Variants in EEIG2 observed in about 807,000 individuals in gnomAD.
EEIG2 encodes the protein EEIG family member 2.
chr1:108,624,454 T>C, the EEIG2 span, among the ~76,000 whole-genome samples: 1 of 150,044 alleles, frequency 6.7e-6, no homozygotes, highest in Admixed American at 6.7e-5. Context: ...AAAAAACCCT[T>C]TTCTTTTATG....
chr1:108,579,738 G>GGTGTGTGTGTGT, the EEIG2 span, among the ~76,000 whole-genome samples: 3 of 107,974 alleles, frequency 2.8e-5, no homozygotes, highest in African/African-American at 1.1e-4. Flanking sequence ...TTGTTTTTTT[G>GGTGTGTGTGTGT]GTGTGTGTGT....
the EEIG2 span, among the ~76,000 whole-genome samples, chr1:108,630,873 T>C: frequency 1.4e-4 from 22 of 152,352 alleles, no homozygotes; most frequent in East Asian, 5.8e-4. Flanking sequence ...AAGACAGTTA[T>C]TGTATTCTCT....
At chr1:108,571,810 A>G in the EEIG2 span, among the ~76,000 whole-genome samples, 1,458 of 152,000 alleles carry the variant, frequency 9.6e-3, 23 homozygotes, top group African/African-American at 0.033. Context: ...ACTGTCTCAC[A>G]CCCCTCTGCT....
chr1:108,615,825 G>T, the EEIG2 span, among the ~76,000 whole-genome samples: 1 of 148,712 alleles, frequency 6.7e-6, no homozygotes, highest in Non-Finnish European at 1.5e-5. Context: ...CTGATCTAAA[G>T]CTGGAACAAA....
chr1:108,633,639 A>G, the EEIG2 span, among the ~76,000 whole-genome samples: 2 of 152,118 alleles, frequency 1.3e-5, no homozygotes, highest in African/African-American at 4.8e-5. Flanking sequence ...TTTGTCTTTT[A>G]TATCTGGCTG....
At chr1:108,628,455 C>A in the EEIG2 span, 4 of 1,614,062 alleles carry the variant, frequency 2.5e-6, no homozygotes, top group Non-Finnish European at 3.4e-6. Flanking sequence ...AGGAGAAATA[C>A]CTCAGTGGGA....
the EEIG2 span, among the ~76,000 whole-genome samples, chr1:108,591,911 A>C: frequency 6.6e-6 from 1 of 152,340 alleles, no homozygotes; most frequent in African/African-American, 2.4e-5. Context: ...AGTAAATGGG[A>C]ATGACAAACA....
chr1:108,599,932 G>A, the EEIG2 span, among the ~76,000 whole-genome samples: 1 of 152,168 alleles, frequency 6.6e-6, no homozygotes, highest in African/African-American at 2.4e-5. Flanking sequence ...GGAGGCGGAG[G>A]TTGCAGTGAG....
At chr1:108,614,687 CAA>C in the EEIG2 span, among the ~76,000 whole-genome samples, 6 of 152,140 alleles carry the variant, frequency 3.9e-5, no homozygotes, top group Non-Finnish European at 2.9e-5. Context: ...TTTGCCTAAT[CAA>C]GAGCTTTACC....
the EEIG2 span, among the ~76,000 whole-genome samples, chr1:108,597,533 T>C: frequency 6.6e-6 from 1 of 152,220 alleles, no homozygotes; most frequent in African/African-American, 2.4e-5. Context: ...AAACAGTTTT[T>C]GATCAATCCT....
the EEIG2 span, among the ~76,000 whole-genome samples, chr1:108,576,046 CTGTT>C: frequency 8.5e-5 from 13 of 152,104 alleles, no homozygotes; most frequent in African/African-American, 3.1e-4. Context: ...ACAGGTGTCA[CTGTT>C]TGCCCAGGCT....
chr1:108,638,855 G>A, the EEIG2 span: 20 of 152,260 alleles, frequency 1.3e-4, no homozygotes, highest in South Asian at 4.1e-4. Flanking sequence ...TATATACACA[G>A]TATATTTTAA....
the EEIG2 span, among the ~76,000 whole-genome samples, chr1:108,630,242 T>A: frequency 6.6e-6 from 1 of 152,242 alleles, no homozygotes; most frequent in Non-Finnish European, 1.5e-5. Flanking sequence ...CTTAAGCTGC[T>A]GTTAACCTTT....
the EEIG2 span, among the ~76,000 whole-genome samples, chr1:108,622,972 T>C: frequency 0.96 from 146,606 of 152,210 alleles, 70,824 homozygotes; most frequent in Non-Finnish European, 1. Context: ...TGGTGGCTCG[T>C]ACCTGTAATC....
the EEIG2 span, among the ~76,000 whole-genome samples, chr1:108,572,863 G>A: frequency 7.2e-5 from 11 of 152,164 alleles, no homozygotes; most frequent in African/African-American, 2.7e-4. Context: ...GAAACATGCA[G>A]TATGTAACTT....
the EEIG2 span, among the ~76,000 whole-genome samples, chr1:108,581,884 TCTA>T: frequency 6.6e-6 from 1 of 152,162 alleles, no homozygotes; most frequent in Non-Finnish European, 1.5e-5. Context: ...TGAAAGAACT[TCTA>T]CTGTGAGTAA....
the EEIG2 span, among the ~76,000 whole-genome samples, chr1:108,606,639 A>G: frequency 6.6e-6 from 1 of 152,116 alleles, no homozygotes; most frequent in Non-Finnish European, 1.5e-5. Context: ...TTTTACTTTT[A>G]CTAGCTATGT....
At chr1:108,586,197 T>C in the EEIG2 span, among the ~76,000 whole-genome samples, 2 of 151,920 alleles carry the variant, frequency 1.3e-5, no homozygotes, top group African/African-American at 4.8e-5. Flanking sequence ...TGCAGAAGAC[T>C]CCAGGAGTTT....
chr1:108,614,207 A>AAT, the EEIG2 span, among the ~76,000 whole-genome samples: 467 of 146,568 alleles, frequency 3.2e-3, 4 homozygotes, highest in Non-Finnish European at 5.3e-3. Flanking sequence ...CCCATCTCTA[A>AAT]AAAAAAAAAA....
Sources: allele counts gnomAD v4.1 joint callset (sites outside exome capture counted in the v4.1 genomes callset), GRCh38; gene constraint gnomAD v4.1.1; transcripts MANE v1.5; gene names NCBI Gene and HGNC (gene_info 2026-07-23, HGNC 2026-07-21).